LRRK1: variants seen among roughly 807,000 people sequenced by gnomAD.
LRRK1 encodes leucine-rich repeat serine/threonine-protein kinase 1.
Under a neutral mutation model 209.1 loss-of-function variants are expected in LRRK1, and 113 were observed. The ratio of observed to expected loss-of-function variants is 0.54; its 90% confidence interval spans 0.46 to 0.63. LRRK1 has a LOEUF of 0.63. LRRK1 is among the 30% of genes least tolerant of loss of function. The pLI, the probability that LRRK1 is intolerant of heterozygous loss-of-function variation, is 0.00. For synonymous variants in LRRK1, 1,144 were observed against 1,099.7 expected, an observed-to-expected ratio of 1.04 and a Z score of -0.80; for missense variants, 2,284 against 2,632.2, an observed-to-expected ratio of 0.87 and a Z score of 2.89.
intron 21 of LRRK1, among the ~76,000 whole-genome samples, chr15:101,048,088 A>G (rs1596320239): frequency 7.0e-6 from 1 of 142,614 alleles, no homozygotes; most frequent in East Asian, 2.3e-4. Context: ...TTTCACAAAC[A>G]TATGGAGATA....
rs530428188 is a variant in LRRK1, at chr15:101,017,518, C to A, written c.1609+2116C>A. ...ACCAGGCCACACAGGAGGAGGTGAG[C>A]GGTGGGCCAGTGAGCATCAGCGCCA... On this transcript the variant is annotated intron_variant, in intron 12 of 33. Coordinates refer to ENST00000388948, the MANE Select transcript of LRRK1 (RefSeq NM_024652.6). 5.9e-3 allele frequency among the ~76,000 whole-genome samples: 895 copies of A among 152,200 alleles called. 6 individuals are homozygous for A. Among genetic ancestry groups the A allele is most frequent in the African/African-American group, 0.021 (858 of 41,530 alleles).
chr15:100,988,863 A>C, intron 5 of LRRK1, 50 bp downstream of exon 5: 88 of 1,450,490 alleles, frequency 6.1e-5, no homozygotes, highest in Non-Finnish European at 8.0e-5. Context: ...AAACCATCTC[A>C]GCCTCCAGAT....
Position 101,029,035 on chromosome 15 carries a change from C to T in LRRK1, c.2766C>T (p.Leu922=), listed in dbSNP as rs761939904. 4 of 1,614,222 alleles carry T rather than the reference C, an allele frequency of 2.5e-6. No homozygotes were observed. Among genetic ancestry groups the T allele is most frequent in the Admixed American group, 3.3e-5 (2 of 60,026 alleles). The stretch of plus-strand genomic sequence containing the variant: ...ACGGCCTGAGGAACCTCTACTTCCT[C>T]GACCCTATTTGGCTCTCCGAATGTC... The part of the protein sequence containing the change: ...TSHGLRNLYF[L]DPIWLSECLQ... The change falls in exon 20 of 34, where the codon CTC becomes CTT. Residue 922 remains leucine, a synonymous_variant. Transcript: ENST00000388948.
intron 6 of LRRK1, among the ~76,000 whole-genome samples, chr15:100,999,204 G>T (rs149785257): frequency 3.4e-4 from 52 of 152,260 alleles, no homozygotes; most frequent in African/African-American, 1.2e-3. Flanking sequence ...AGTGACAGGA[G>T]ATTTCTTGTA....
intron 27 of LRRK1, among the ~76,000 whole-genome samples, 168 bp downstream of exon 27, chr15:101,055,391 G>A (rs898358746): frequency 6.6e-6 from 1 of 152,130 alleles, no homozygotes; most frequent in Non-Finnish European, 1.5e-5. Flanking sequence ...AACCAGAAGG[G>A]TGCAGGGGCC....
At chr15:100,949,161 G>T (rs2042597679) in intron 2 of LRRK1, among the ~76,000 whole-genome samples, 1 of 151,962 alleles carries the variant, frequency 6.6e-6, no homozygotes, top group Non-Finnish European at 1.5e-5. Flanking sequence ...AAAGGAGAAG[G>T]CTCAAATTAC....
chr15:101,040,294 A>T (rs1297231384), intron 20 of LRRK1, among the ~76,000 whole-genome samples: 2 of 151,734 alleles, frequency 1.3e-5, no homozygotes, highest in Non-Finnish European at 2.9e-5. Flanking sequence ...TTTTCAATAA[A>T]TTTTTTCATT....
chr15:101,062,369 T>G, intron 30 of LRRK1: 1 of 494,344 alleles, frequency 2.0e-6, no homozygotes, highest in Non-Finnish European at 3.6e-6. Flanking sequence ...CTATTTTCTG[T>G]TTCCTCTTTA....
Position 101,048,389 on chromosome 15 carries a change from G to T in LRRK1, c.3136-105G>T. 7.2e-6 allele frequency: 7 copies of T among 969,172 alleles called. No individual in the cohort carries two copies. In the South Asian group the frequency reaches 1.2e-4, roughly 16 times the overall value. 60.0% of individuals were successfully genotyped at this position (969,172 alleles called of 1,614,324 possible). A position where few individuals can be genotyped will look rare whatever the true frequency, so the allele number is the denominator to read the frequency against. ...GTGGGAGGAGAGGGTGGGAAAGATG[G>T]GGGACATTTATCAAGATGGGGCCCA... On this transcript the variant is annotated intron_variant, in intron 21 of 33. Coordinates refer to ENST00000388948, the MANE Select transcript of LRRK1 (RefSeq NM_024652.6).
At position 101,070,267 on chromosome 15, in the gene LRRK1, C is replaced by G. The variant is rs2036745466; in HGVS notation, c.*1419C>G. Reference sequence around the variant, plus strand: ...GCAGCTTCCATGGGTGGAGACGCTGCTCTGTCAGTCACAGGCTTGGAAAAA... The same window carrying G: ...GCAGCTTCCATGGGTGGAGACGCTGGTCTGTCAGTCACAGGCTTGGAAAAA... On this transcript the variant is annotated 3_prime_UTR_variant, in exon 34 of 34. Transcript: ENST00000388948. 6.7e-6 allele frequency: 1 copy of G among 149,688 alleles called. No homozygotes were observed. Among genetic ancestry groups the G allele is most frequent in the African/African-American group, 2.5e-5 (1 of 40,450 alleles). The allele number at this position is 149,688 out of a possible 1,614,324, so 9.3% of individuals were successfully genotyped here. A position where few individuals can be genotyped will look rare whatever the true frequency, so the allele number is the denominator to read the frequency against.
chr15:101,058,977 G>A (rs942985716), intron 29 of LRRK1, among the ~76,000 whole-genome samples: 1 of 152,154 alleles, frequency 6.6e-6, no homozygotes, highest in African/African-American at 2.4e-5. Context: ...GACATAATAA[G>A]ATAAACGGAA....
At chr15:101,061,842 C>G (rs1330371802) in intron 30 of LRRK1, among the ~76,000 whole-genome samples, 1 of 152,148 alleles carries the variant, frequency 6.6e-6, no homozygotes, top group African/African-American at 2.4e-5. Flanking sequence ...AACCCCGTCT[C>G]TACTAAAAAA....
rs777797735 is a variant in LRRK1 at position 101,027,699 on chromosome 15, G to A, written c.2588G>A (p.Arg863Gln). 36 of 1,612,854 alleles carry A rather than the reference G, an allele frequency of 2.2e-5. No individual in the cohort carries two copies. The African/African-American group carries it at 2.3e-4, about 10-fold the overall frequency. The change falls in exon 19 of 34, where the codon CGG becomes CAG. Residue 863 changes from arginine (R) to glutamine (Q), a missense_variant. By Grantham distance (43) the Arg-to-Gln change is conservative. This residue lies in a region of LRRK1 where 780 missense variants were observed against 985.2 expected (regional missense o/e 0.79). Coordinates refer to ENST00000388948, the MANE Select transcript of LRRK1 (RefSeq NM_024652.6). The surrounding 1 kb of genome is among the most constrained non-coding windows in gnomAD (Gnocchi z 5.1). Reference sequence around the variant, plus strand: ...CTGGCAGAGCAGCAGCGCCGCAGCCGGGACGACGACGTGCAGTACCTGACG... The same window carrying A: ...CTGGCAGAGCAGCAGCGCCGCAGCCAGGACGACGACGTGCAGTACCTGACG... The part of the protein sequence containing the change: ...AVLAEQQRRS[R>Q]DDDVQYLTDR...
Position 101,008,927 on chromosome 15 carries a change from CT to C in LRRK1, c.856del (p.Ser286LeufsTer22). 1 of 1,614,172 alleles carries C rather than the reference CT, an allele frequency of 6.2e-7. No individual in the cohort carries two copies. Among genetic ancestry groups the C allele is most frequent in the Admixed American group, 1.7e-5 (1 of 60,022 alleles). ...DISCQITELD[L>X]SANCLATLPS... ...CTCCTGCCAGATCACGGAGCTCGAC[CT>C]TTCTGCCAACTGCCTGGCGACCCTC... On this transcript the variant is annotated frameshift_variant, in exon 7 of 34. Transcript: ENST00000388948. LOFTEE classifies it high-confidence loss of function.
intron 2 of LRRK1, among the ~76,000 whole-genome samples, chr15:100,940,071 C>G (rs1288843180): frequency 6.6e-6 from 1 of 152,204 alleles, no homozygotes; most frequent in Non-Finnish European, 1.5e-5. Flanking sequence ...TGTCCATATC[C>G]TGCCCCGGAT....
intron 2 of LRRK1, among the ~76,000 whole-genome samples, chr15:100,941,930 G>T (rs893401786): frequency 2.6e-5 from 4 of 152,200 alleles, no homozygotes; most frequent in Non-Finnish European, 4.4e-5. Flanking sequence ...GTGACCTGGG[G>T]ACCCTCTTGC....
Position 100,973,925 on chromosome 15 carries a change from G to A in LRRK1, c.219G>A (p.Leu73=), listed in dbSNP as rs2031129455. ...RRGDRGGARD[L]LEEACDQCAS... is the part of the protein sequence containing the mutation. ...GAGACCGCGGCGGCGCCCGGGACCT[G>A]CTGGAGGAGGCCTGCGACCAGTGCG... The change falls in exon 3 of 34, where the codon CTG becomes CTA. Residue 73 remains leucine (L), a synonymous_variant. Transcript: ENST00000388948. The A allele has an allele frequency of 2.4e-6, 3 of 1,263,188 alleles. No homozygotes were observed. The highest frequency in any genetic ancestry group is 8.4e-5 in the Admixed American group (2 of 23,784). 78.2% of individuals were successfully genotyped at this position (1,263,188 alleles called of 1,614,324 possible).
chr15:100,969,111 A>T (rs1344524983), intron 2 of LRRK1, among the ~76,000 whole-genome samples: 1 of 152,166 alleles, frequency 6.6e-6, no homozygotes, highest in East Asian at 1.9e-4. Context: ...AATTGCTGGG[A>T]TTACAGGTGT....
chr15:101,026,204 C>T, intron 17 of LRRK1, 67 bp downstream of exon 17: 1 of 1,506,696 alleles, frequency 6.6e-7, no homozygotes, highest in Non-Finnish European at 9.2e-7. Context: ...TTCCTGGGAT[C>T]AGCTTGCAGA....
Sources: allele counts gnomAD v4.1 joint callset (sites outside exome capture counted in the v4.1 genomes callset), GRCh38; gene constraint gnomAD v4.1.1; regional missense constraint gnomAD v4.1.1; non-coding constraint Gnocchi (gnomAD v3.1); transcripts MANE v1.5; gene names NCBI Gene and HGNC (gene_info 2026-07-23, HGNC 2026-07-21).